MSI2: variants seen among roughly 807,000 people sequenced by gnomAD.
MSI2 encodes the protein musashi RNA binding protein 2.
In MSI2, 17 loss-of-function variants were observed where a neutral mutation model predicts 45.6. The observed-to-expected ratio is 0.37, with a 90% CI of 0.26 to 0.56. MSI2 has a LOEUF of 0.56. MSI2 is among the 20% of genes least tolerant of loss of function. MSI2 has a pLI of 0.77. For missense variants in MSI2, 293 were observed against 444.2 expected, an observed-to-expected ratio of 0.66 and a Z score of 3.06; for synonymous variants, 156 against 158.2, an observed-to-expected ratio of 0.99 and a Z score of 0.11.
intron 7 of MSI2, among the ~76,000 whole-genome samples, chr17:57,536,888 A>C (rs1372544616): frequency 6.6e-6 from 1 of 152,090 alleles, no homozygotes; most frequent in Non-Finnish European, 1.5e-5. Flanking sequence ...CTCTTTCCAG[A>C]GTGGACCATT....
chr17:57,474,281 A>G (rs944676431), intron 6 of MSI2, among the ~76,000 whole-genome samples: 1 of 152,168 alleles, frequency 6.6e-6, no homozygotes, highest in Non-Finnish European at 1.5e-5. Context: ...TAGTTATAAT[A>G]ATTTTCATTG....
At chr17:57,697,309 A>G in the MSI2 span, among the ~76,000 whole-genome samples, 38 of 151,146 alleles carry the variant, frequency 2.5e-4, no homozygotes, top group African/African-American at 9.2e-4. Flanking sequence ...ACATGGACCC[A>G]CTCACACTCA....
chr17:57,520,833 T>C (rs914165817), intron 6 of MSI2, among the ~76,000 whole-genome samples: 13 of 150,152 alleles, frequency 8.7e-5, no homozygotes, highest in Admixed American at 3.3e-4. Flanking sequence ...TTTTTTTTTT[T>C]CTTGTATTTT....
At chr17:57,345,590 G>A (rs767703131) in intron 5 of MSI2, among the ~76,000 whole-genome samples, 3 of 152,186 alleles carry the variant, frequency 2.0e-5, no homozygotes, top group African/African-American at 7.2e-5. Flanking sequence ...GGACTGAGGC[G>A]AGTGGATCAC....
chr17:57,616,299 GTGTGTT>G, intron 9 of MSI2: 1 of 446,152 alleles, frequency 2.2e-6, no homozygotes, highest in South Asian at 4.4e-5. Flanking sequence ...GTGTGTGTGT[GTGTGTT>G]TGTATTTATA....
intron 7 of MSI2, among the ~76,000 whole-genome samples, chr17:57,554,184 C>T (rs948756528): frequency 4.0e-5 from 6 of 150,540 alleles, no homozygotes; most frequent in African/African-American, 1.2e-4. Context: ...GAAACAAGAA[C>T]GACACCAAGT....
chr17:57,596,992 C>T lies in MSI2; in HGVS notation c.537+42C>T. The T allele has an allele frequency of 7.2e-7, 1 of 1,394,868 alleles. No homozygotes were observed. The highest frequency in any genetic ancestry group is 1.0e-6 in the Non-Finnish European group (1 of 980,978). 86.4% of individuals were successfully genotyped at this position (1,394,868 alleles called of 1,614,324 possible). A position where few individuals can be genotyped will look rare whatever the true frequency, so the allele number is the denominator to read the frequency against. On this transcript the variant is annotated intron_variant, in intron 8 of 13. Transcript: ENST00000284073. This position sits in a 1 kb window ranked among gnomAD's most constrained non-coding sequence, Gnocchi z 4.6. ...TGCGCTGAAATGGAATGCCCCCTTT[C>T]TCTACGTACACACCCAGTCTTGCAG...
chr17:57,452,126 G>GAGAAGAC (rs1262984736), intron 6 of MSI2, among the ~76,000 whole-genome samples: 1 of 152,226 alleles, frequency 6.6e-6, no homozygotes, highest in Non-Finnish European at 1.5e-5. Flanking sequence ...AGGCTCCAGT[G>GAGAAGAC]AGAAGACATG....
At chr17:57,443,223 G>T (rs1343719950) in intron 6 of MSI2, among the ~76,000 whole-genome samples, 2 of 152,210 alleles carry the variant, frequency 1.3e-5, no homozygotes, top group Non-Finnish European at 2.9e-5. Context: ...GGGGGGCCAT[G>T]TGTGGAGCCC....
chr17:57,429,301 G>A (rs2084551461), intron 6 of MSI2, among the ~76,000 whole-genome samples: 1 of 152,154 alleles, frequency 6.6e-6, no homozygotes, highest in Non-Finnish European at 1.5e-5. Flanking sequence ...GAAACTTTGG[G>A]GTTTTGCGTG....
At chr17:57,380,235 G>A (rs556774175) in intron 5 of MSI2, among the ~76,000 whole-genome samples, 27 of 152,244 alleles carry the variant, frequency 1.8e-4, no homozygotes, top group African/African-American at 6.0e-4. Context: ...GTTGTGCCCT[G>A]CATCTTAAGC....
chr17:57,301,865 A>G (rs896170776), intron 5 of MSI2, among the ~76,000 whole-genome samples: 1 of 152,140 alleles, frequency 6.6e-6, no homozygotes, highest in Non-Finnish European at 1.5e-5. Context: ...TAGGAGTGGA[A>G]TTGCTGAGTC....
At chr17:57,699,014 G>GGAGA in the MSI2 span, among the ~76,000 whole-genome samples, 2 of 23,576 alleles carry the variant, frequency 8.5e-5, no homozygotes, top group Non-Finnish European at 1.4e-4. Context: ...GAAGAGGCGA[G>GGAGA]GAGAGAGAGA....
Position 57,306,604 on chromosome 17 carries a change from T to C in MSI2, c.312+44412T>C, listed in dbSNP as rs368329798. Reference sequence around the variant, plus strand: ...CCTAAATGGAGGGGCAGGAAAGAGATCCTGTCACCCCTCCTGTTCCCAGGA... The same window carrying C: ...CCTAAATGGAGGGGCAGGAAAGAGACCCTGTCACCCCTCCTGTTCCCAGGA... On this transcript the variant is annotated intron_variant, in intron 5 of 13. Transcript: ENST00000284073. 1.3e-4 allele frequency among the ~76,000 whole-genome samples: 20 copies of C among 152,354 alleles called. No homozygotes were observed. The South Asian group carries it at 3.9e-3, about 30-fold the overall frequency.
chr17:57,409,068 T>A (rs1443155581), intron 6 of MSI2, among the ~76,000 whole-genome samples: 6 of 152,202 alleles, frequency 3.9e-5, no homozygotes, highest in African/African-American at 1.4e-4. Context: ...ACTTGGTATT[T>A]GTGAATTAGC....
chr17:57,597,856 A>G (rs1161194987), intron 8 of MSI2, among the ~76,000 whole-genome samples: 1 of 152,150 alleles, frequency 6.6e-6, no homozygotes, highest in Non-Finnish European at 1.5e-5. Context: ...CTCCCTTGCC[A>G]TCAATTAATT....
intron 8 of MSI2, among the ~76,000 whole-genome samples, chr17:57,607,444 G>T (rs1321032433): frequency 6.6e-6 from 1 of 152,222 alleles, no homozygotes; most frequent in East Asian, 1.9e-4. Flanking sequence ...TGCATGGGCA[G>T]GTCCCACATC....
At chr17:57,468,194 T>C (rs2085364141) in intron 6 of MSI2, among the ~76,000 whole-genome samples, 1 of 151,578 alleles carries the variant, frequency 6.6e-6, no homozygotes, top group African/African-American at 2.4e-5. Context: ...AAGGGTATTG[T>C]GAGAATTCAA....
intron 6 of MSI2, among the ~76,000 whole-genome samples, chr17:57,490,673 T>C (rs1379563572): frequency 6.6e-6 from 1 of 152,168 alleles, no homozygotes; most frequent in Non-Finnish European, 1.5e-5. Context: ...ATACCATGGC[T>C]CATGTTTCAA....
Sources: allele counts gnomAD v4.1 joint callset (sites outside exome capture counted in the v4.1 genomes callset), GRCh38; gene constraint gnomAD v4.1.1; non-coding constraint Gnocchi (gnomAD v3.1); transcripts MANE v1.5; gene names NCBI Gene and HGNC (gene_info 2026-07-23, HGNC 2026-07-21).